The following RBM10 variants were observed in gnomAD, a reference collection of about 807,000 sequenced individuals.
RBM10 encodes the protein RNA binding motif protein 10.
A neutral mutation model predicts 84.9 loss-of-function variants in RBM10; 1 was observed. The observed-to-expected ratio is 0.01, with a 90% CI of 0.00 to 0.06. The LOEUF is 0.06. RBM10 is among the 10% of genes least tolerant of loss of function. RBM10 has a pLI of 1.00. For synonymous variants in RBM10, 326 were observed against 344.5 expected (o/e 0.95, Z 0.60); for missense variants, 438 against 839.0 (o/e 0.52, Z 5.90).
chrX:47,164,085 T>G (rs1366951875), intron 2 of RBM10, among the ~76,000 whole-genome samples: 2 of 108,794 alleles, frequency 1.8e-5, no homozygotes, highest in Non-Finnish European at 3.8e-5. Flanking sequence ...TAGCCAGGAT[T>G]GTCTCGATCT....
intron 2 of RBM10, among the ~76,000 whole-genome samples, chrX:47,149,825 T>G (rs1932657782): frequency 1.9e-5 from 2 of 104,232 alleles, no homozygotes; most frequent in Admixed American, 2.1e-4. Context: ...TCATTTTTTT[T>G]TTTTTTTTTT....
intron 5 of RBM10, among the ~76,000 whole-genome samples, chrX:47,174,274 T>C (rs1172149286): frequency 9.0e-6 from 1 of 110,584 alleles, no homozygotes; most frequent in Non-Finnish European, 1.9e-5. Flanking sequence ...CAGGCACCCA[T>C]TGATTCTTAC....
chrX:47,156,000 C>T (rs911755512), intron 2 of RBM10, among the ~76,000 whole-genome samples: 2 of 108,142 alleles, frequency 1.8e-5, no homozygotes, highest in Admixed American at 1.0e-4. Context: ...GTAGAGACGG[C>T]GTTTCTCCAT....
In RBM10 at chrX:47,145,270, T is replaced by C; in HGVS notation, c.-341T>C. ...CCGACTCCCTTCTCGTCGTCGCCATTTTGAGCTGGTGACTGTGGCCGGCTG... is the reference window on the plus strand; with the variant it reads ...CCGACTCCCTTCTCGTCGTCGCCATCTTGAGCTGGTGACTGTGGCCGGCTG... On this transcript the variant is annotated 5_prime_UTR_variant, in exon 1 of 24. Transcript: ENST00000377604. 1.9e-6 allele frequency: 1 copy of C among 517,998 alleles called. No individual in the cohort carries two copies. The highest frequency in any genetic ancestry group is 2.7e-5 in the South Asian group (1 of 37,722). The allele number at this position is 517,998 out of a possible 1,213,427, so 42.7% of individuals were successfully genotyped here.
chrX:47,152,774 GACACACACACACAC>G (rs370048928), intron 2 of RBM10, among the ~76,000 whole-genome samples: 40 of 80,359 alleles, frequency 5.0e-4, no homozygotes, highest in East Asian at 2.3e-3. Flanking sequence ...TCTTTACATA[GACACACACACACAC>G]ACACACACAC....
At chrX:47,175,148 G>A (rs1320358028) in intron 6 of RBM10, 56 bp downstream of exon 6, 8 of 1,009,528 alleles carry the variant, frequency 7.9e-6, no homozygotes, top group South Asian at 7.7e-5. Flanking sequence ...GTAATCGAGC[G>A]CTCCCCATCG....
chrX:47,182,122 G>A (rs1935595531), intron 16 of RBM10, 40 bp from the exon 17 acceptor site: 1 of 1,211,324 alleles, frequency 8.3e-7, no homozygotes, highest in Non-Finnish European at 1.1e-6. Context: ...CCCTTCACAA[G>A]GTCTTCCCTC....
chrX:47,169,188 G>GCACCT, intron 2 of RBM10, 127 bp from the exon 3 acceptor site: 2 of 534,722 alleles, frequency 3.7e-6, no homozygotes, highest in South Asian at 6.5e-5. Context: ...GATCAGAAGG[G>GCACCT]CACCTCACTT....
intron 2 of RBM10, among the ~76,000 whole-genome samples, chrX:47,165,988 C>T (rs1384962979): frequency 9.1e-6 from 1 of 109,879 alleles, no homozygotes; most frequent in Non-Finnish European, 1.9e-5. Context: ...CCACTGCACT[C>T]CAGCCTGGGT....
chrX:47,145,243 C>A lies in RBM10; in HGVS notation c.-368C>A, dbSNP rs915435549. On this transcript the variant is annotated 5_prime_UTR_variant, in exon 1 of 24. Coordinates refer to ENST00000377604, the MANE Select transcript of RBM10 (RefSeq NM_005676.5). ...CTTAGTAGGTGGATGGTGGTCGGAGCGCCGACTCCCTTCTCGTCGTCGCCA... is the reference window on the plus strand; with the variant it reads ...CTTAGTAGGTGGATGGTGGTCGGAGAGCCGACTCCCTTCTCGTCGTCGCCA... 1.5e-5 allele frequency: 7 copies of A among 468,260 alleles called. No homozygotes were observed. Among genetic ancestry groups the A allele is most frequent in the Admixed American group, 6.3e-5 (2 of 31,727 alleles). The allele number at this position is 468,260 out of a possible 1,213,427, so 38.6% of individuals were successfully genotyped here.
chrX:47,161,605 A>G (rs914697719), intron 2 of RBM10, among the ~76,000 whole-genome samples: 1 of 98,609 alleles, frequency 1.0e-5, no homozygotes, highest in African/African-American at 3.9e-5. Context: ...ATCATGGCTC[A>G]CTGCATCCTT....
intron 3 of RBM10, among the ~76,000 whole-genome samples, chrX:47,169,775 A>G (rs918708933): frequency 5.4e-5 from 6 of 111,926 alleles, no homozygotes; most frequent in Non-Finnish European, 1.1e-4. Context: ...GTTCGGGCCC[A>G]TGGCTCACTG....
chrX:47,169,263 C>A lies in RBM10; in HGVS notation c.18-52C>A. On this transcript the variant is annotated intron_variant, in intron 2 of 23. Transcript: ENST00000377604. ...AACACATCACCTGGGCCTCTTGCAC[C>A]TTTTAGAAAGGGCAACCTTCTGATC... 7 of 1,147,849 alleles carry A rather than the reference C, an allele frequency of 6.1e-6. No homozygotes were observed. The South Asian group carries it at 1.4e-4, about 23-fold the overall frequency. The allele number at this position is 1,147,849 out of a possible 1,213,427, so 94.6% of individuals were successfully genotyped here. A position where few individuals can be genotyped will look rare whatever the true frequency, so the allele number is the denominator to read the frequency against.
chrX:47,179,609 G>A (rs1490725908), intron 9 of RBM10, 114 bp downstream of exon 9: 23 of 904,616 alleles, frequency 2.5e-5, no homozygotes, highest in Non-Finnish European at 3.1e-5. Context: ...CACTTGGTGC[G>A]GGGATAGACA....
chrX:47,176,506 C>G lies in RBM10; in HGVS notation c.583C>G (p.Leu195Val). Residue 195 changes from leucine to valine, a missense_variant, in exon 7 of 24, where the codon CTC becomes GTC. Transcript: ENST00000377604. Reference sequence around the variant, plus strand: ...GCTCTGCTTTTTCCCGCAGCACTCCCTCAACATCCTGGGCCAGAAGGTGTC... The same window carrying G: ...GCTCTGCTTTTTCCCGCAGCACTCCGTCAACATCCTGGGCCAGAAGGTGTC... ...TRWMEANQHS[L>V]NILGQKVSMH... 1.7e-6 allele frequency: 2 copies of G among 1,211,681 alleles called. No homozygotes were observed. Among genetic ancestry groups the G allele is most frequent in the Non-Finnish European group, 1.1e-6 (1 of 895,532 alleles).
intron 11 of RBM10, 40 bp from the exon 12 acceptor site, chrX:47,180,379 G>A (rs1194505208): frequency 2.5e-6 from 3 of 1,183,988 alleles, no homozygotes; most frequent in Non-Finnish European, 2.3e-6. Context: ...TACCGCTTGG[G>A]GCCTCCTATC....
Position 47,166,506 on chromosome X carries a change from T to A in RBM10, c.18-2809T>A, listed in dbSNP as rs12009275. Among the ~76,000 whole-genome samples the A allele has an allele frequency of 7.2e-3, 783 of 109,338 alleles. 5 individuals carry two copies. Among genetic ancestry groups the A allele is most frequent in the African/African-American group, 0.024 (734 of 29,992 alleles). 94.9% of individuals were successfully genotyped at this position (109,338 alleles called of 115,157 possible). A position where few individuals can be genotyped will look rare whatever the true frequency, so the allele number is the denominator to read the frequency against. On this transcript the variant is annotated intron_variant, in intron 2 of 23. Transcript: ENST00000377604. ...TTTCTTGAGATGGAGTCTCGCTCTG[T>A]CACTCAGGCTGGAGCGCAGTGGTAC...
intron 6 of RBM10, 38 bp from the exon 7 acceptor site, chrX:47,176,462 G>A (rs2147155653): frequency 8.3e-7 from 1 of 1,210,007 alleles, no homozygotes; most frequent in Non-Finnish European, 1.1e-6. Context: ...GTGGGGCACT[G>A]CTGCCTGGAC....
intron 2 of RBM10, among the ~76,000 whole-genome samples, chrX:47,167,234 T>A (rs1036238379): frequency 1.8e-5 from 2 of 111,423 alleles, no homozygotes; most frequent in African/African-American, 6.5e-5. Context: ...TCTGTTTTTT[T>A]CTCCAAGCAA....
Sources: gnomAD v4.1 joint callset for allele counts (sites outside exome capture counted in the v4.1 genomes callset) on GRCh38, gnomAD v4.1.1 for gene constraint, MANE v1.5 for transcripts, NCBI Gene and HGNC (gene_info 2026-07-23, HGNC 2026-07-21) for gene names.